Variants in LARGE1 observed in about 807,000 individuals in gnomAD.
LARGE1 encodes the protein xylosyl- and glucuronyltransferase LARGE1.
In LARGE1, 43 loss-of-function variants were observed where a neutral mutation model predicts 87.6. The observed-to-expected ratio is 0.49, with a 90% CI of 0.38 to 0.63. LARGE1 has a LOEUF of 0.63. LARGE1 is among the 30% of genes least tolerant of loss of function. LARGE1 has a pLI of 0.00. For synonymous variants in LARGE1, 434 were observed against 394.6 expected, an observed-to-expected ratio of 1.10 and a Z score of -1.18; for missense variants, 802 against 1,000.2, an observed-to-expected ratio of 0.80 and a Z score of 2.67.
chr22:33,086,549 C>CTTTTTT, the LARGE1 span, among the ~76,000 whole-genome samples: 1 of 108,438 alleles, frequency 9.2e-6, no homozygotes, highest in Non-Finnish European at 1.9e-5. Flanking sequence ...AGTTCTTCTA[C>CTTTTTT]TTTTTTTTTT....
intron 9 of LARGE1, among the ~76,000 whole-genome samples, chr22:33,343,470 T>C (rs1939393306): frequency 6.6e-6 from 1 of 152,186 alleles, no homozygotes; most frequent in South Asian, 2.1e-4. Context: ...TATATGATAT[T>C]AAATACATAA....
chr22:33,401,045 G>A (rs998808655), intron 7 of LARGE1, among the ~76,000 whole-genome samples: 3 of 151,956 alleles, frequency 2.0e-5, no homozygotes, highest in African/African-American at 4.8e-5. Context: ...AGGGTGGGAG[G>A]AAAGAGAGTG....
At chr22:33,388,515 T>C (rs967812845) in intron 7 of LARGE1, among the ~76,000 whole-genome samples, 10 of 152,242 alleles carry the variant, frequency 6.6e-5, no homozygotes, top group Non-Finnish European at 1.0e-4. Flanking sequence ...TTCACAGAAA[T>C]AGACTTGTAC....
intron 8 of LARGE1, among the ~76,000 whole-genome samples, chr22:33,382,967 A>C (rs2065205702): frequency 6.6e-6 from 1 of 152,234 alleles, no homozygotes; most frequent in Non-Finnish European, 1.5e-5. Context: ...AATACTTTAA[A>C]AAATAGTAAA....
At chr22:33,742,278 T>C (rs897080488) in intron 2 of LARGE1, among the ~76,000 whole-genome samples, 1 of 152,072 alleles carries the variant, frequency 6.6e-6, no homozygotes, top group Non-Finnish European at 1.5e-5. Context: ...ATGGAATGAG[T>C]TAATCCAAGT....
intron 11 of LARGE1, among the ~76,000 whole-genome samples, chr22:33,264,684 C>T (rs1314852068): frequency 6.6e-6 from 1 of 151,796 alleles, no homozygotes; most frequent in Non-Finnish European, 1.5e-5. Flanking sequence ...AAAACAAAAA[C>T]TTAGTTTTGC....
chr22:33,695,912 C>G (rs957135275), intron 2 of LARGE1, among the ~76,000 whole-genome samples: 1 of 152,238 alleles, frequency 6.6e-6, no homozygotes. Flanking sequence ...CATAGGCAAT[C>G]CCTTATTGAT....
intron 3 of LARGE1, among the ~76,000 whole-genome samples, chr22:33,641,931 G>T (rs1467348002): frequency 2.0e-5 from 3 of 152,176 alleles, no homozygotes; most frequent in Non-Finnish European, 4.4e-5. Context: ...GTGACCGAGA[G>T]AATGGAACCA....
intron 6 of LARGE1, among the ~76,000 whole-genome samples, chr22:33,555,301 G>A (rs899623560): frequency 5.9e-5 from 9 of 152,166 alleles, no homozygotes; most frequent in African/African-American, 2.2e-4. Flanking sequence ...ACCAGATGGA[G>A]CCAGCTGTAT....
At chr22:33,796,752 A>ACAG (rs939192323) in intron 1 of LARGE1, among the ~76,000 whole-genome samples, 1 of 148,886 alleles carries the variant, frequency 6.7e-6, no homozygotes, top group East Asian at 2.0e-4. Context: ...TAAAGGTGAC[A>ACAG]CAGTAAGACT....
intron 6 of LARGE1, among the ~76,000 whole-genome samples, chr22:33,464,092 T>C (rs1458188268): frequency 6.6e-6 from 1 of 152,196 alleles, no homozygotes; most frequent in Non-Finnish European, 1.5e-5. Flanking sequence ...AAACACAATG[T>C]AGTATTGACT....
chr22:33,101,532 C>T, the LARGE1 span, among the ~76,000 whole-genome samples: 1 of 152,200 alleles, frequency 6.6e-6, no homozygotes. Flanking sequence ...ATGATCAAGA[C>T]ACAGTTCCTG....
chr22:33,512,257 T>G (rs1047026453), intron 6 of LARGE1, among the ~76,000 whole-genome samples: 1 of 152,164 alleles, frequency 6.6e-6, no homozygotes, highest in Non-Finnish European at 1.5e-5. Flanking sequence ...GAATGTTGTA[T>G]GCCAAAGAAA....
At chr22:33,632,124 G>A (rs551872970) in intron 3 of LARGE1, among the ~76,000 whole-genome samples, 10 of 152,028 alleles carry the variant, frequency 6.6e-5, no homozygotes, top group Admixed American at 6.6e-5. Flanking sequence ...GAGTCTGGCC[G>A]TTTGTTTGTT....
intron 1 of LARGE1, among the ~76,000 whole-genome samples, chr22:33,764,613 C>A (rs2084840683): frequency 6.6e-6 from 1 of 152,038 alleles, no homozygotes; most frequent in Non-Finnish European, 1.5e-5. Flanking sequence ...CAAGAATTAG[C>A]TGGGTGTGGT....
chr22:33,502,319 C>T (rs1027842894), intron 6 of LARGE1, among the ~76,000 whole-genome samples: 11 of 151,854 alleles, frequency 7.2e-5, no homozygotes, highest in African/African-American at 9.7e-5. Context: ...GTGGGATGGT[C>T]GCCTAGGAAA....
At chr22:33,614,939 C>G (rs528275084) in intron 4 of LARGE1, among the ~76,000 whole-genome samples, 15 of 152,288 alleles carry the variant, frequency 9.8e-5, no homozygotes, top group Admixed American at 2.6e-4. Context: ...CAGGCTTGTG[C>G]CCATGCTGTC....
intron 1 of LARGE1, among the ~76,000 whole-genome samples, chr22:33,800,371 T>G (rs1404929875): frequency 1.3e-5 from 2 of 152,218 alleles, no homozygotes; most frequent in Non-Finnish European, 2.9e-5. Flanking sequence ...AAGATACAAT[T>G]AATTAGACCA....
chr22:33,701,630 T>C (rs2082406328), intron 2 of LARGE1, among the ~76,000 whole-genome samples: 1 of 152,120 alleles, frequency 6.6e-6, no homozygotes, highest in African/African-American at 2.4e-5. Context: ...CAGCCAAAAG[T>C]AGTGGAAGAG....
Sources: gnomAD v4.1 joint callset for allele counts (sites outside exome capture counted in the v4.1 genomes callset) on GRCh38, gnomAD v4.1.1 for gene constraint, MANE v1.5 for transcripts, NCBI Gene and HGNC (gene_info 2026-07-23, HGNC 2026-07-21) for gene names.